RALA: variants seen among roughly 807,000 people sequenced by gnomAD.
RALA encodes RAS like proto-oncogene A.
A neutral mutation model predicts 24.0 loss-of-function variants in RALA; 5 were observed. The observed-to-expected ratio is 0.21, with a 90% CI of 0.11 to 0.44. The LOEUF (loss-of-function observed/expected upper bound fraction) is 0.44, where lower values mean the gene tolerates loss of function less well. Ranked by LOEUF, RALA falls within the 20% of genes least tolerant of loss-of-function variation. The probability of loss-of-function intolerance (pLI) is 0.99; values close to 1 mark genes in which losing one functional copy is unlikely to be tolerated. For missense variants in RALA, 95 were observed against 241.2 expected (o/e 0.39, Z 4.01); for synonymous variants, 77 against 83.8 (o/e 0.92, Z 0.44).
rs114453643 is a variant in RALA, at chr7:39,699,988, G to A, written c.498+3129G>A. Among the ~76,000 whole-genome samples, 728 of 152,144 alleles carry A rather than the reference G, an allele frequency of 4.8e-3. 10 individuals carry two copies. Among genetic ancestry groups the A allele is most frequent in the African/African-American group, 0.017 (703 of 41,486 alleles). On this transcript the variant is annotated intron_variant, in intron 4 of 4. Transcript: ENST00000005257. ...AGCAGGATGTGAAACCTGCATATGC[G>A]GAGGGCTGGCTTTTTGCATCCATGT...
chr7:39,649,180 T>C (rs936189310), intron 1 of RALA, among the ~76,000 whole-genome samples: 2 of 152,212 alleles, frequency 1.3e-5, no homozygotes, highest in Non-Finnish European at 2.9e-5. Context: ...AAACCAGGCA[T>C]GGAGTTTTGG....
chr7:39,675,757 A>AC lies in RALA; in HGVS notation c.-37-10874_-37-10873insC, dbSNP rs1388576816. Among the ~76,000 whole-genome samples, 221 of 148,934 alleles carry AC rather than the reference A, an allele frequency of 1.5e-3. 1 individual carries two copies. Among genetic ancestry groups the AC allele is most frequent in the Middle Eastern group, 3.5e-3 (1 of 288 alleles). On this transcript the variant is annotated intron_variant, in intron 1 of 4. Coordinates refer to ENST00000005257, the MANE Select transcript of RALA (RefSeq NM_005402.4). ...GGGAAATTAAAAAAAAAAAAAAAAAAAAAACTGTATATCTCCTTTTCTTGG... is the reference window on the plus strand; with the variant it reads ...GGGAAATTAAAAAAAAAAAAAAAAAACAAAACTGTATATCTCCTTTTCTTGG...
intron 1 of RALA, among the ~76,000 whole-genome samples, chr7:39,626,820 G>C (rs746861837): frequency 2.0e-5 from 3 of 152,188 alleles, no homozygotes; most frequent in Non-Finnish European, 2.9e-5. Flanking sequence ...TAATGGAAAT[G>C]GGGGAGAAGC....
chr7:39,694,804 AG>A (rs1194907377), intron 3 of RALA, among the ~76,000 whole-genome samples: 1 of 152,082 alleles, frequency 6.6e-6, no homozygotes, highest in Non-Finnish European at 1.5e-5. Context: ...GCAATTTGGG[AG>A]GCTGAAGCAG....
chr7:39,638,131 C>G (rs528666806), intron 1 of RALA, among the ~76,000 whole-genome samples: 9 of 152,214 alleles, frequency 5.9e-5, no homozygotes, highest in Admixed American at 5.9e-4. Flanking sequence ...AGGCTGAATG[C>G]TCTGTCACCT....
chr7:39,697,154 T>C (rs1792935657), intron 4 of RALA, among the ~76,000 whole-genome samples: 1 of 152,156 alleles, frequency 6.6e-6, no homozygotes, highest in African/African-American at 2.4e-5. Context: ...CTTTGGATAA[T>C]TTAGAAGGAA....
chr7:39,648,350 G>A (rs1382086406), intron 1 of RALA, among the ~76,000 whole-genome samples: 2 of 150,938 alleles, frequency 1.3e-5, no homozygotes, highest in African/African-American at 4.9e-5. Context: ...AAAACAGTGT[G>A]AAAATGAAAA....
chr7:39,703,827 TA>T (rs931689634), intron 4 of RALA, among the ~76,000 whole-genome samples: 1 of 152,148 alleles, frequency 6.6e-6, no homozygotes, highest in Non-Finnish European at 1.5e-5. Flanking sequence ...CTTGCATTAA[TA>T]AAATAGTTCC....
chr7:39,639,917 T>TC (rs1352880808), intron 1 of RALA, among the ~76,000 whole-genome samples: 2 of 152,132 alleles, frequency 1.3e-5, no homozygotes, highest in Non-Finnish European at 2.9e-5. Flanking sequence ...GGGTTTTTTT[T>TC]CCCTTATTTC....
chr7:39,661,292 C>T (rs1792184393), intron 1 of RALA, among the ~76,000 whole-genome samples: 1 of 152,186 alleles, frequency 6.6e-6, no homozygotes, highest in African/African-American at 2.4e-5. Context: ...ATCTCATGTC[C>T]TCACATTTCA....
At position 39,696,860 on chromosome 7, in the gene RALA, G is replaced by C; in HGVS notation, c.498+1G>C. On this transcript the variant is annotated splice_donor_variant, in intron 4 of 4. Coordinates refer to ENST00000005257, the MANE Select transcript of RALA (RefSeq NM_005402.4). LOFTEE classifies it high-confidence loss of function. ...TAAAACACGAGCTAATGTTGACAAG[G>C]TAACACGTGACTCTTTACTACTGCA... The C allele has an allele frequency of 6.2e-7, 1 of 1,608,676 alleles. No individual in the cohort carries two copies. Among genetic ancestry groups the C allele is most frequent in the Non-Finnish European group, 8.5e-7 (1 of 1,178,154 alleles).
At chr7:39,680,408 AT>A (rs1764628385) in intron 1 of RALA, among the ~76,000 whole-genome samples, 12 of 33,270 alleles carry the variant, frequency 3.6e-4, no homozygotes, top group Admixed American at 2.4e-3. Flanking sequence ...AAACACAAAT[AT>A]ATATATATAT....
At chr7:39,658,932 G>A (rs1391662438) in intron 1 of RALA, among the ~76,000 whole-genome samples, 2 of 151,866 alleles carry the variant, frequency 1.3e-5, no homozygotes, top group Admixed American at 1.3e-4. Flanking sequence ...TCAGTTGTCT[G>A]ATATGAACTG....
intron 1 of RALA, among the ~76,000 whole-genome samples, chr7:39,640,686 G>A (rs1786504447): frequency 1.3e-5 from 2 of 152,056 alleles, no homozygotes; most frequent in Non-Finnish European, 2.9e-5. Context: ...AAATCTTCTG[G>A]TCTTAATTCT....
chr7:39,656,193 A>G (rs1206650635), intron 1 of RALA, among the ~76,000 whole-genome samples: 1 of 152,206 alleles, frequency 6.6e-6, no homozygotes, highest in Non-Finnish European at 1.5e-5. Context: ...GTAACTAGCA[A>G]TTCAAAATTC....
At chr7:39,686,576 C>A (rs1792707177) in intron 1 of RALA, 55 bp from the exon 2 acceptor site, 1 of 1,025,008 alleles carries the variant, frequency 9.8e-7, no homozygotes, top group Non-Finnish European at 1.5e-6. Flanking sequence ...CTTTCTTACA[C>A]TGGAATTCTA....
chr7:39,639,263 A>G (rs1449969248), intron 1 of RALA, among the ~76,000 whole-genome samples: 1 of 152,248 alleles, frequency 6.6e-6, no homozygotes, highest in African/African-American at 2.4e-5. Flanking sequence ...AAAGATTGAT[A>G]CAAACAAGTA....
intron 1 of RALA, among the ~76,000 whole-genome samples, chr7:39,658,662 G>A (rs1197436003): frequency 6.6e-6 from 1 of 152,024 alleles, no homozygotes; most frequent in African/African-American, 2.4e-5. Context: ...CAGAGTAAAT[G>A]CATTTTTTAA....
chr7:39,636,763 C>T (rs908229527), intron 1 of RALA, among the ~76,000 whole-genome samples: 3 of 152,094 alleles, frequency 2.0e-5, no homozygotes, highest in Non-Finnish European at 4.4e-5. Context: ...GAATCATGAC[C>T]GGGAGCCCTC....
Sources: gnomAD v4.1 joint callset for allele counts (sites outside exome capture counted in the v4.1 genomes callset) on GRCh38, gnomAD v4.1.1 for gene constraint, MANE v1.5 for transcripts, NCBI Gene and HGNC (gene_info 2026-07-23, HGNC 2026-07-21) for gene names.